The following TAFA1 variants were observed in gnomAD, a reference collection of about 807,000 sequenced individuals.
The protein encoded by TAFA1 is TAFA chemokine like family member 1.
Under a neutral mutation model 18.5 loss-of-function variants are expected in TAFA1, and 4 were observed. The ratio of observed to expected loss-of-function variants is 0.22; its 90% CI spans 0.11 to 0.49. TAFA1 has a LOEUF of 0.49. TAFA1 is among the 20% of genes least tolerant of loss of function. The pLI is 0.98. For synonymous variants in TAFA1, 56 were observed against 55.2 expected (o/e 1.01, Z -0.06); for missense variants, 147 against 169.0 (o/e 0.87, Z 0.72).
intron 2 of TAFA1, among the ~76,000 whole-genome samples, chr3:68,076,507 T>A (rs1334349524): frequency 7.4e-6 from 1 of 134,424 alleles, no homozygotes; most frequent in African/African-American, 2.8e-5. Flanking sequence ...CCTTCCTGTG[T>A]CCATGCGATC....
chr3:68,075,825 T>C (rs1401412324), intron 2 of TAFA1, among the ~76,000 whole-genome samples: 1 of 152,008 alleles, frequency 6.6e-6, no homozygotes, highest in Non-Finnish European at 1.5e-5. Context: ...GCCTCCCTAC[T>C]GGCTGGGACT....
intron 2 of TAFA1, among the ~76,000 whole-genome samples, chr3:68,338,187 A>G (rs1235821556): frequency 2.0e-5 from 3 of 152,172 alleles, no homozygotes; most frequent in South Asian, 2.1e-4. Context: ...TTACTTATGT[A>G]ATGGAACTCA....
intron 2 of TAFA1, among the ~76,000 whole-genome samples, chr3:68,257,513 A>G (rs745419086): frequency 6.6e-6 from 1 of 152,000 alleles, no homozygotes; most frequent in Non-Finnish European, 1.5e-5. Flanking sequence ...TGTTGAATCA[A>G]TGATTACATC....
rs1559552645 is a variant in TAFA1, at chr3:68,189,007, T to TAGA, written c.118+182263_118+182264insAGA. 2.0e-4 allele frequency among the ~76,000 whole-genome samples: 30 copies of TAGA among 151,972 alleles called. 1 individual carries two copies. In the East Asian group the frequency reaches 5.4e-3, roughly 28 times the overall value. On this transcript the variant is annotated intron_variant, in intron 2 of 4. Coordinates refer to ENST00000478136, the MANE Select transcript of TAFA1 (RefSeq NM_213609.4). ...AGTTTTAGATGGTCAGACTTTCCAA[T>TAGA]TGGTGGTACACTAACGATTATGTTC...
At chr3:68,246,714 A>G (rs887633075) in intron 2 of TAFA1, 2 of 151,710 alleles carry the variant, frequency 1.3e-5, no homozygotes, top group Non-Finnish European at 2.9e-5. Flanking sequence ...ACAAAGCACT[A>G]TCTCCATCTA....
At chr3:68,418,571 C>T (rs2070890361) in intron 3 of TAFA1, among the ~76,000 whole-genome samples, 1 of 151,884 alleles carries the variant, frequency 6.6e-6, no homozygotes, top group African/African-American at 2.4e-5. Flanking sequence ...TCAGTTACTT[C>T]AGGCCATCTG....
intron 3 of TAFA1, among the ~76,000 whole-genome samples, chr3:68,458,166 G>A (rs759345072): frequency 3.9e-5 from 6 of 152,024 alleles, no homozygotes; most frequent in Non-Finnish European, 7.4e-5. Context: ...ATGAGATCTG[G>A]TTGTTTAAAA....
intron 2 of TAFA1, among the ~76,000 whole-genome samples, chr3:68,156,400 CTTGT>C (rs1388432702): frequency 6.6e-6 from 1 of 152,104 alleles, no homozygotes; most frequent in Non-Finnish European, 1.5e-5. Context: ...GGTAGATGTT[CTTGT>C]TTGTCTGCTT....
chr3:68,260,358 T>A (rs1303284975), intron 2 of TAFA1, among the ~76,000 whole-genome samples: 2 of 152,116 alleles, frequency 1.3e-5, no homozygotes, highest in Admixed American at 6.6e-5. Context: ...TATTGAGGAT[T>A]TTTGCATCAA....
intron 3 of TAFA1, among the ~76,000 whole-genome samples, chr3:68,474,240 A>C (rs1262819735): frequency 2.6e-5 from 4 of 152,200 alleles, no homozygotes; most frequent in African/African-American, 9.6e-5. Context: ...TACTCAGGAT[A>C]TAAGTCTGTA....
chr3:68,095,978 T>C (rs2065082739), intron 2 of TAFA1, among the ~76,000 whole-genome samples: 1 of 152,124 alleles, frequency 6.6e-6, no homozygotes, highest in Non-Finnish European at 1.5e-5. Flanking sequence ...ACCTCTATTC[T>C]AGCTATTTTG....
At chr3:68,268,671 C>T (rs1364088103) in intron 2 of TAFA1, among the ~76,000 whole-genome samples, 1 of 152,082 alleles carries the variant, frequency 6.6e-6, no homozygotes, top group Admixed American at 6.6e-5. Context: ...TGGTTTTCTT[C>T]CAGAAACCTA....
intron 3 of TAFA1, among the ~76,000 whole-genome samples, chr3:68,466,047 C>A (rs1026399876): frequency 1.3e-5 from 2 of 152,062 alleles, no homozygotes; most frequent in African/African-American, 4.8e-5. Flanking sequence ...GTGTATCAGG[C>A]TTTGTACTTG....
Position 68,193,557 on chromosome 3 carries a change from C to T in TAFA1, c.118+186813C>T, listed in dbSNP as rs562983736. Among the ~76,000 whole-genome samples the T allele has an allele frequency of 7.6e-4, 115 of 151,872 alleles. 1 individual carries two copies. Among genetic ancestry groups the T allele is most frequent in the Non-Finnish European group, 1.3e-3 (90 of 67,806 alleles). ...ATTCTCAACAACAGAGAATTGAACA[C>T]AGTTTTGTTTGTTAAGTTTGCTGCA... On this transcript the variant is annotated intron_variant, in intron 2 of 4. Transcript: ENST00000478136.
In TAFA1 at chr3:68,498,829, G is replaced by A. The variant is rs185003377; in HGVS notation, c.260-39927G>A. On this transcript the variant is annotated intron_variant, in intron 3 of 4. Transcript: ENST00000478136. ...ACATTTGAAGTAATTCTTGTGTATA[G>A]AGGGTTGGCTGCCAGCGTGATTGAC... Among the ~76,000 whole-genome samples the A allele has an allele frequency of 8.1e-5, 12 of 148,038 alleles. No homozygotes were observed. The East Asian group carries it at 1.6e-3, about 20-fold the overall frequency.
chr3:68,246,283 A>G (rs1056296836), intron 2 of TAFA1, among the ~76,000 whole-genome samples: 2 of 152,100 alleles, frequency 1.3e-5, no homozygotes, highest in African/African-American at 4.8e-5. Flanking sequence ...TTTGGTCTCA[A>G]TATTTTTTCT....
At chr3:68,179,740 C>G (rs1430246020) in intron 2 of TAFA1, among the ~76,000 whole-genome samples, 2 of 151,988 alleles carry the variant, frequency 1.3e-5, no homozygotes, top group Admixed American at 1.3e-4. Flanking sequence ...TATTAATTAT[C>G]AAATAAATGA....
intron 2 of TAFA1, among the ~76,000 whole-genome samples, chr3:68,383,959 G>C (rs1256730877): frequency 6.6e-6 from 1 of 151,774 alleles, no homozygotes; most frequent in Non-Finnish European, 1.5e-5. Flanking sequence ...TCTAGTTTAT[G>C]TGCATAGAGG....
intron 2 of TAFA1, among the ~76,000 whole-genome samples, chr3:68,303,151 C>A (rs1411556663): frequency 6.7e-6 from 1 of 150,192 alleles, no homozygotes; most frequent in Non-Finnish European, 1.5e-5. Context: ...AATGAAAGTA[C>A]TTTTACTGTA....
Sources: gnomAD v4.1 joint callset for allele counts (sites outside exome capture counted in the v4.1 genomes callset) on GRCh38, gnomAD v4.1.1 for gene constraint, MANE v1.5 for transcripts, NCBI Gene and HGNC (gene_info 2026-07-23, HGNC 2026-07-21) for gene names.